BANK1: variants seen among roughly 807,000 people sequenced by gnomAD.
BANK1 encodes the protein B cell scaffold protein with ankyrin repeats 1.
A neutral mutation model predicts 94.5 loss-of-function variants in BANK1; 95 were observed. The observed-to-expected ratio is 1.00, with a 90% CI of 0.85 to 1.19. BANK1 has a LOEUF of 1.19. BANK1 is among the 50% of genes most tolerant of loss of function. The pLI is 0.00. For synonymous variants in BANK1, 334 were observed against 308.4 expected (o/e 1.08, Z -0.87); for missense variants, 987 against 932.2 (o/e 1.06, Z -0.77).
At chr4:101,962,070 T>C (rs115154908) in intron 7 of BANK1, among the ~76,000 whole-genome samples, 6,903 of 152,262 alleles carry the variant, frequency 0.045, 189 homozygotes, top group African/African-American at 0.076. Context: ...ATAAATCAAA[T>C]GTATAGTGGG....
intron 13 of BANK1, among the ~76,000 whole-genome samples, chr4:102,064,884 T>C (rs1728539970): frequency 6.6e-6 from 1 of 152,174 alleles, no homozygotes; most frequent in South Asian, 2.1e-4. Flanking sequence ...ACAGAGATCT[T>C]AGTTCAGGGC....
intron 6 of BANK1, among the ~76,000 whole-genome samples, chr4:101,897,694 T>C (rs1722134650): frequency 6.6e-6 from 1 of 152,042 alleles, no homozygotes; most frequent in Non-Finnish European, 1.5e-5. Flanking sequence ...TAAAACATCC[T>C]ATGTCCAAGC....
At chr4:101,997,572 G>T (rs779920276) in intron 7 of BANK1, among the ~76,000 whole-genome samples, 2 of 151,894 alleles carry the variant, frequency 1.3e-5, no homozygotes, top group African/African-American at 2.4e-5. Context: ...TTATTGTTAG[G>T]CTATTAATTA....
At position 101,869,737 on chromosome 4, in the gene BANK1, A is replaced by G. The variant is rs77078113; in HGVS notation, c.764-768A>G. ...AATATCTCAATGACAGATTAAAAGC[A>G]CTTAAAATTTGTTCCACAGATGAAT... On this transcript the variant is annotated intron_variant, in intron 4 of 16. Transcript: ENST00000322953. 8.1e-3 allele frequency among the ~76,000 whole-genome samples: 1,232 copies of G among 152,074 alleles called. 20 individuals carry two copies. The highest frequency in any genetic ancestry group is 0.028 in the African/African-American group (1,159 of 41,552).
At chr4:101,993,417 GC>G (rs1725774734) in intron 7 of BANK1, among the ~76,000 whole-genome samples, 1 of 152,122 alleles carries the variant, frequency 6.6e-6, no homozygotes, top group South Asian at 2.1e-4. Context: ...ATTCTAGAAT[GC>G]TTTGTTACAG....
At chr4:102,034,811 G>A (rs1727445831) in intron 10 of BANK1, among the ~76,000 whole-genome samples, 1 of 152,184 alleles carries the variant, frequency 6.6e-6, no homozygotes, top group African/African-American at 2.4e-5. Context: ...CCAGGAAGAG[G>A]AAGAGGCAGG....
At chr4:101,978,526 A>G (rs189353383) in intron 7 of BANK1, among the ~76,000 whole-genome samples, 2 of 152,202 alleles carry the variant, frequency 1.3e-5, no homozygotes, top group East Asian at 3.9e-4. Flanking sequence ...CCAATATTTA[A>G]TTACCAGGCA....
At chr4:101,822,861 C>T (rs997258865) in intron 1 of BANK1, among the ~76,000 whole-genome samples, 2 of 152,096 alleles carry the variant, frequency 1.3e-5, no homozygotes, top group Non-Finnish European at 2.9e-5. Context: ...GTGATCCGCC[C>T]GCCTCGGCCT....
At chr4:101,982,814 C>T (rs1191192944) in intron 7 of BANK1, among the ~76,000 whole-genome samples, 3 of 151,720 alleles carry the variant, frequency 2.0e-5, no homozygotes, top group African/African-American at 4.8e-5. Context: ...AAAAATGCCG[C>T]CCAACCAATG....
At chr4:101,960,284 G>A (rs1299979035) in intron 7 of BANK1, among the ~76,000 whole-genome samples, 3 of 152,016 alleles carry the variant, frequency 2.0e-5, no homozygotes, top group African/African-American at 7.2e-5. Context: ...TTCTGCTTAA[G>A]GACCTTATTC....
intron 2 of BANK1, among the ~76,000 whole-genome samples, chr4:101,853,066 AAG>A (rs141951897): frequency 1.0e-4 from 15 of 150,486 alleles, no homozygotes; most frequent in Non-Finnish European, 7.4e-5. Flanking sequence ...AGCCAGGAGG[AAG>A]AGAGAGAGAG....
chr4:101,943,383 C>A (rs1723816147), intron 7 of BANK1, among the ~76,000 whole-genome samples: 1 of 151,836 alleles, frequency 6.6e-6, no homozygotes, highest in Admixed American at 6.6e-5. Flanking sequence ...ATGACTGCTT[C>A]TGAGGAGCTG....
intron 7 of BANK1, among the ~76,000 whole-genome samples, chr4:101,974,700 G>T (rs1043900456): frequency 1.1e-4 from 16 of 151,742 alleles, no homozygotes; most frequent in African/African-American, 3.9e-4. Context: ...TTTTCATTAT[G>T]AGTTTCATCT....
intron 1 of BANK1, among the ~76,000 whole-genome samples, chr4:101,806,854 A>C (rs1725571096): frequency 6.6e-6 from 1 of 152,194 alleles, no homozygotes; most frequent in Admixed American, 6.5e-5. Context: ...GGGGATACAC[A>C]AAAGGTGGCT....
At chr4:101,975,730 C>T (rs1047293388) in intron 7 of BANK1, among the ~76,000 whole-genome samples, 4 of 152,110 alleles carry the variant, frequency 2.6e-5, no homozygotes, top group Non-Finnish European at 5.9e-5. Context: ...TTCTGATAAG[C>T]TGAAATCTTT....
chr4:101,888,743 C>A (rs181365310), intron 5 of BANK1, among the ~76,000 whole-genome samples: 1 of 152,270 alleles, frequency 6.6e-6, no homozygotes, highest in Non-Finnish European at 1.5e-5. Flanking sequence ...TAGAGCCTGG[C>A]ACATTAGCAG....
At chr4:101,857,777 G>A (rs1386505190) in intron 3 of BANK1, among the ~76,000 whole-genome samples, 1 of 152,140 alleles carries the variant, frequency 6.6e-6, no homozygotes, top group Non-Finnish European at 1.5e-5. Flanking sequence ...AATTATCTGT[G>A]TCTTTGAGAA....
At chr4:101,882,813 A>G (rs1462526437) in intron 5 of BANK1, among the ~76,000 whole-genome samples, 3 of 151,190 alleles carry the variant, frequency 2.0e-5, no homozygotes, top group Non-Finnish European at 2.9e-5. Context: ...ATTCTGGAAG[A>G]TCGACTTACA....
intron 2 of BANK1, among the ~76,000 whole-genome samples, chr4:101,845,223 C>A (rs1400431905): frequency 6.6e-6 from 1 of 151,810 alleles, no homozygotes; most frequent in African/African-American, 2.4e-5. Context: ...AATATATATA[C>A]CTACTATGTA....
Sources: gnomAD v4.1 joint callset for allele counts (sites outside exome capture counted in the v4.1 genomes callset) on GRCh38, gnomAD v4.1.1 for gene constraint, MANE v1.5 for transcripts, NCBI Gene and HGNC (gene_info 2026-07-23, HGNC 2026-07-21) for gene names.